FGF12: variants seen among roughly 807,000 people sequenced by gnomAD.
The protein encoded by FGF12 is fibroblast growth factor 12B.
FGF12 carries 14 observed loss-of-function variants against 23.6 expected under a neutral mutation model. That is an observed-to-expected ratio of 0.59 (90% CI 0.39 to 0.93). The LOEUF (loss-of-function observed/expected upper bound fraction) is 0.93. Ranked by LOEUF, FGF12 falls within the 40% of genes least tolerant of loss-of-function variation. FGF12 has a pLI of 0.00. For missense variants in FGF12, 175 were observed against 217.8 expected (o/e 0.80, Z 1.24); for synonymous variants, 62 against 77.3 (o/e 0.80, Z 1.04).
intron 2 of FGF12, among the ~76,000 whole-genome samples, chr3:192,671,510 A>G (rs542626664): frequency 2.2e-4 from 34 of 152,266 alleles, no homozygotes; most frequent in African/African-American, 6.3e-4. Flanking sequence ...AACGTTTGGT[A>G]GACGCATGGG....
chr3:192,320,147 T>C (rs567927525), intron 4 of FGF12, among the ~76,000 whole-genome samples: 2 of 151,906 alleles, frequency 1.3e-5, no homozygotes, highest in South Asian at 4.2e-4. Flanking sequence ...GATACAAAGA[T>C]GGAAAAAGAT....
At chr3:192,686,542 GTTC>G (rs1464141207) in intron 2 of FGF12, among the ~76,000 whole-genome samples, 1 of 152,042 alleles carries the variant, frequency 6.6e-6, no homozygotes, top group African/African-American at 2.4e-5. Flanking sequence ...ACTTACATTT[GTTC>G]TTCTCTTTTT....
intron 4 of FGF12, among the ~76,000 whole-genome samples, chr3:192,242,834 T>C (rs572819708): frequency 6.6e-6 from 1 of 152,070 alleles, no homozygotes; most frequent in South Asian, 2.1e-4. Context: ...ATTAGTATTA[T>C]TGTTTACAGG....
At chr3:192,182,928 TG>T (rs1284817582) in intron 4 of FGF12, among the ~76,000 whole-genome samples, 3 of 152,190 alleles carry the variant, frequency 2.0e-5, no homozygotes, top group Non-Finnish European at 4.4e-5. Flanking sequence ...CCTACGGCCA[TG>T]GGGAAGAAAC....
intron 2 of FGF12, among the ~76,000 whole-genome samples, chr3:192,439,836 G>A (rs1722146771): frequency 6.6e-6 from 1 of 152,092 alleles, no homozygotes; most frequent in Non-Finnish European, 1.5e-5. Context: ...ATTTAGCCGG[G>A]TGTGGTGGTG....
At chr3:192,692,650 G>A (rs1038750331) in intron 2 of FGF12, among the ~76,000 whole-genome samples, 2 of 150,696 alleles carry the variant, frequency 1.3e-5, no homozygotes, top group Non-Finnish European at 2.9e-5. Flanking sequence ...AAGTTGCAGT[G>A]AGCTAAGATC....
intron 2 of FGF12, among the ~76,000 whole-genome samples, chr3:192,480,101 A>C (rs1723439731): frequency 6.6e-6 from 1 of 152,210 alleles, no homozygotes; most frequent in Non-Finnish European, 1.5e-5. Flanking sequence ...GGCACCAACA[A>C]GTAGAATTAT....
rs1717827698 is a variant in FGF12, at chr3:192,209,594, A to G, written c.229-38938T>C. Among the ~76,000 whole-genome samples, 4 of 152,174 alleles carry G rather than the reference A, an allele frequency of 2.6e-5. No individual in the cohort carries two copies. In the South Asian group the frequency reaches 8.3e-4, roughly 32 times the overall value. On this transcript the variant is annotated intron_variant, in intron 4 of 5. Coordinates refer to ENST00000445105, the MANE Select transcript of FGF12 (RefSeq NM_004113.6). Reference sequence around the variant, plus strand: ...AAGGTGAAGTGTTTTGTCATTCTGAATTTTCTAGCTTCACAAATAATGATG... The same window carrying G: ...AAGGTGAAGTGTTTTGTCATTCTGAGTTTTCTAGCTTCACAAATAATGATG...
At chr3:192,256,293 T>C in intron 4 of FGF12, among the ~76,000 whole-genome samples, 1 of 152,046 alleles carries the variant, frequency 6.6e-6, no homozygotes, top group Non-Finnish European at 1.5e-5. Context: ...TTCCTTTTAA[T>C]CTTTTGATAC....
At chr3:192,268,686 C>T (rs1346668455) in intron 4 of FGF12, 1 of 449,102 alleles carries the variant, frequency 2.2e-6, no homozygotes, top group Non-Finnish European at 4.5e-6. Flanking sequence ...TTGTAAGCTT[C>T]CTGAGGCTTC....
Position 192,360,476 on chromosome 3 carries a change from G to T in FGF12, c.76C>A (p.His26Asn). 6.2e-7 allele frequency: 1 copy of T among 1,613,930 alleles called. No individual in the cohort carries two copies. The highest frequency in any genetic ancestry group is 8.5e-7 in the Non-Finnish European group (1 of 1,179,834). ...FSQQGYFLQMHPDGTIDGTKD... is the reference protein window; with the variant it reads ...FSQQGYFLQMNPDGTIDGTKD... ...GTCCCATCAATGGTACCATCTGGGT[G>T]CATCTGCAGGAAGTATCCCTGCTGG... The change falls in exon 3 of 6, where the codon CAC (histidine) becomes AAC (asparagine). Residue 26 changes from histidine to asparagine, a missense_variant. Transcript: ENST00000445105. The surrounding 1 kb of genome is among the most constrained non-coding windows in gnomAD (Gnocchi z 4.3).
intron 2 of FGF12, among the ~76,000 whole-genome samples, chr3:192,615,113 C>T (rs1181128841): frequency 6.6e-6 from 1 of 151,900 alleles, no homozygotes; most frequent in Non-Finnish European, 1.5e-5. Context: ...CTGGGACAGC[C>T]GCCATCTTTT....
In FGF12 at chr3:192,262,746, C is replaced by A. The variant is rs576662421; in HGVS notation, c.228+72615G>T. Among the ~76,000 whole-genome samples the A allele has an allele frequency of 7.2e-5, 11 of 152,094 alleles. No individual in the cohort carries two copies. In the South Asian group the frequency reaches 2.3e-3, roughly 32 times the overall value. On this transcript the variant is annotated intron_variant, in intron 4 of 5. Coordinates refer to ENST00000445105, the MANE Select transcript of FGF12 (RefSeq NM_004113.6). ...GACAAAATTGCCTGAGGATGCATTT[C>A]TCACATGTATCCCAATCATTAAGTG... is the stretch of plus-strand genomic sequence containing the variant.
At chr3:192,508,785 G>A (rs1414952914) in intron 2 of FGF12, among the ~76,000 whole-genome samples, 1 of 152,082 alleles carries the variant, frequency 6.6e-6, no homozygotes, top group Non-Finnish European at 1.5e-5. Context: ...GCTCTCATCT[G>A]TCATACCCCA....
chr3:192,613,635 G>A (rs1360530872), intron 2 of FGF12, among the ~76,000 whole-genome samples: 1 of 151,724 alleles, frequency 6.6e-6, no homozygotes, highest in Non-Finnish European at 1.5e-5. Context: ...TTTACCAAGA[G>A]TCTTGGCATG....
intron 3 of FGF12, among the ~76,000 whole-genome samples, chr3:192,346,466 G>A (rs911075815): frequency 6.6e-6 from 1 of 152,074 alleles, no homozygotes; most frequent in African/African-American, 2.4e-5. Context: ...TGGCTTTTGA[G>A]GATCTGTTAG....
chr3:192,722,666 G>A (rs1342706711), intron 2 of FGF12, among the ~76,000 whole-genome samples: 2 of 152,152 alleles, frequency 1.3e-5, no homozygotes, highest in Non-Finnish European at 2.9e-5. Context: ...GATCCATGAA[G>A]TTGGCCTAAA....
chr3:192,596,870 C>T (rs1175019502), intron 2 of FGF12, among the ~76,000 whole-genome samples: 2 of 152,150 alleles, frequency 1.3e-5, no homozygotes, highest in Non-Finnish European at 2.9e-5. Flanking sequence ...AAGGAGGCTG[C>T]TAAACTTTCT....
At chr3:192,507,334 TACACACAC>T (rs35433581) in intron 2 of FGF12, among the ~76,000 whole-genome samples, 65,257 of 144,472 alleles carry the variant, frequency 0.45, 16,332 homozygotes, top group Non-Finnish European at 0.58. Flanking sequence ...TTTGACCAAA[TACACACAC>T]ACACACACAC....
Sources: gnomAD v4.1 joint callset for allele counts (sites outside exome capture counted in the v4.1 genomes callset) on GRCh38, gnomAD v4.1.1 for gene constraint, Gnocchi (gnomAD v3.1) non-coding constraint, MANE v1.5 for transcripts, NCBI Gene and HGNC (gene_info 2026-07-23, HGNC 2026-07-21) for gene names.